Variants in ANXA4 observed in about 807,000 individuals in gnomAD.
ANXA4 encodes the protein annexin A4, also known as 35-beta calcimedin.
Under a neutral mutation model 49.8 loss-of-function variants are expected in ANXA4, and 39 were observed. That is an observed-to-expected ratio of 0.78 (90% confidence interval 0.61 to 1.02). The LOEUF is 1.02. Ranked by LOEUF, ANXA4 falls within the 50% of genes least tolerant of loss-of-function variation. The pLI, the probability that ANXA4 is intolerant of heterozygous loss-of-function variation, is 0.00. For synonymous variants in ANXA4, 134 were observed against 152.5 expected, an observed-to-expected ratio of 0.88 and a Z score of 0.89; for missense variants, 360 against 410.1, an observed-to-expected ratio of 0.88 and a Z score of 1.05.
At chr2:69,778,711 G>T (rs1199104135) in intron 1 of ANXA4, among the ~76,000 whole-genome samples, 2 of 147,560 alleles carry the variant, frequency 1.4e-5, no homozygotes, top group African/African-American at 5.0e-5. Flanking sequence ...GGAGGCGGAG[G>T]TTGCAGTGAG....
chr2:69,818,066 G>A (rs918225011), intron 9 of ANXA4: 3 of 152,186 alleles, frequency 2.0e-5, no homozygotes, highest in Non-Finnish European at 4.4e-5. Flanking sequence ...TTTCCAGAAG[G>A]AGACAGCAAG....
intron 2 of ANXA4, among the ~76,000 whole-genome samples, chr2:69,662,093 C>A (rs1370708765): frequency 6.6e-6 from 1 of 152,322 alleles, no homozygotes; most frequent in East Asian, 1.9e-4. Flanking sequence ...TCCCACCTGG[C>A]ATCAAGAAAG....
intron 2 of ANXA4, among the ~76,000 whole-genome samples, chr2:69,689,631 C>G (rs1287280285): frequency 6.6e-6 from 1 of 152,122 alleles, no homozygotes; most frequent in South Asian, 2.1e-4. Context: ...TATGGCGTAT[C>G]ATAATAATGA....
chr2:69,663,096 C>T lies in ANXA4; in HGVS notation n.766+9814C>T, dbSNP rs542147848. Among the ~76,000 whole-genome samples, 5 of 150,022 alleles carry T rather than the reference C, an allele frequency of 3.3e-5. No individual in the cohort carries two copies. In the South Asian group the frequency reaches 1.1e-3, roughly 32 times the overall value. On this transcript the variant is annotated intron_variant and non_coding_transcript_variant, in intron 2 of 3. Transcript: ENST00000418066. The stretch of plus-strand genomic sequence containing the variant: ...CAAGCTCCGCCTCCCAGGTTCACGC[C>T]ATTCTCCTGCCTCAGCCTCTTGAGT...
chr2:69,809,906 C>T (rs72893323), intron 6 of ANXA4: 10,265 of 152,352 alleles, frequency 0.067, 1,180 homozygotes, highest in African/African-American at 0.24. Context: ...TCAGAAGCTC[C>T]TATCTGGTTG....
At chr2:69,772,571 C>G (rs1671769742) in intron 1 of ANXA4, among the ~76,000 whole-genome samples, 1 of 152,032 alleles carries the variant, frequency 6.6e-6, no homozygotes, top group Non-Finnish European at 1.5e-5. Flanking sequence ...CTTTCTGCTC[C>G]CCCCATCCTT....
chr2:69,810,853 A>C, intron 7 of ANXA4, 180 bp downstream of exon 7: 1 of 584,534 alleles, frequency 1.7e-6, no homozygotes, highest in Non-Finnish European at 3.1e-6. Context: ...CTGCCTGCCC[A>C]TTTTTTCTAC....
chr2:69,788,343 A>C (rs1450271240), intron 3 of ANXA4, among the ~76,000 whole-genome samples: 2 of 152,052 alleles, frequency 1.3e-5, no homozygotes, highest in Admixed American at 1.3e-4. Flanking sequence ...AGTTCGAGAC[A>C]AGCCTGGCCA....
chr2:69,760,444 T>C (rs1388334907), intron 1 of ANXA4, among the ~76,000 whole-genome samples: 1 of 152,216 alleles, frequency 6.6e-6, no homozygotes, highest in Non-Finnish European at 1.5e-5. Context: ...ATCTGTAGTC[T>C]CAAAGGATTT....
At chr2:69,659,298 T>C (rs1306330832) in intron 2 of ANXA4, among the ~76,000 whole-genome samples, 1 of 152,236 alleles carries the variant, frequency 6.6e-6, no homozygotes, top group African/African-American at 2.4e-5. Context: ...TTCTCCACTT[T>C]ATGTTATAAA....
intron 1 of ANXA4, among the ~76,000 whole-genome samples, chr2:69,754,934 A>G (rs897164444): frequency 6.6e-6 from 1 of 152,148 alleles, no homozygotes; most frequent in Non-Finnish European, 1.5e-5. Flanking sequence ...AGGTCTATGT[A>G]TCTTCCCTCC....
intron 3 of ANXA4, among the ~76,000 whole-genome samples, chr2:69,796,007 A>C (rs1306029903): frequency 1.3e-5 from 2 of 152,134 alleles, no homozygotes; most frequent in African/African-American, 4.8e-5. Context: ...TCCTTCCTTC[A>C]ATTTCCAGAA....
chr2:69,745,611 A>G (rs574920237), intron 1 of ANXA4, among the ~76,000 whole-genome samples: 5 of 151,998 alleles, frequency 3.3e-5, no homozygotes, highest in South Asian at 2.1e-4. Context: ...GCTCACTGCA[A>G]CCTTTGCCTC....
chr2:69,657,241 C>A (rs547767788), intron 2 of ANXA4, among the ~76,000 whole-genome samples: 1 of 152,060 alleles, frequency 6.6e-6, no homozygotes, highest in African/African-American at 2.4e-5. Flanking sequence ...GATCCACCCA[C>A]CTCGACCTCC....
intron 2 of ANXA4, among the ~76,000 whole-genome samples, chr2:69,685,762 C>T (rs945567005): frequency 2.0e-5 from 3 of 152,102 alleles, no homozygotes; most frequent in Non-Finnish European, 2.9e-5. Flanking sequence ...AGAAGTGTAA[C>T]GTGGTTGCCA....
chr2:69,806,534 G>C, intron 5 of ANXA4, 36 bp downstream of exon 5: 1 of 1,539,616 alleles, frequency 6.5e-7, no homozygotes, highest in Admixed American at 1.7e-5. Context: ...TGGTGCTGTT[G>C]GTGCAAACGC....
chr2:69,798,466 G>T (rs1349886655), intron 3 of ANXA4, among the ~76,000 whole-genome samples: 8 of 152,212 alleles, frequency 5.3e-5, no homozygotes, highest in Admixed American at 5.2e-4. Flanking sequence ...AGAGGCTGGG[G>T]TCAGTCCAGG....
chr2:69,651,816 T>A (rs1676249409), intron 1 of ANXA4, among the ~76,000 whole-genome samples: 1 of 18,810 alleles, frequency 5.3e-5, no homozygotes. Flanking sequence ...TTTTTTTTTT[T>A]TGGGGGGGGG....
intron 1 of ANXA4, among the ~76,000 whole-genome samples, chr2:69,748,464 T>G (rs1230680234): frequency 6.6e-6 from 1 of 150,984 alleles, no homozygotes; most frequent in Non-Finnish European, 1.5e-5. Flanking sequence ...TTTTGCATTA[T>G]TTTTCATTAA....
Sources: allele counts gnomAD v4.1 joint callset (sites outside exome capture counted in the v4.1 genomes callset), GRCh38; gene constraint gnomAD v4.1.1; transcripts MANE v1.5; gene names NCBI Gene and HGNC (gene_info 2026-07-23, HGNC 2026-07-21).